Variants in ANO1 observed in about 807,000 individuals in gnomAD.
ANO1 encodes anoctamin-1.
In ANO1, 59 loss-of-function variants were observed where a neutral mutation model predicts 124.0. The observed-to-expected ratio is 0.48, with a 90% CI of 0.39 to 0.59. The LOEUF is 0.59. Ranked by LOEUF, ANO1 falls within the 20% of genes least tolerant of loss-of-function variation. The pLI, the probability that ANO1 is intolerant of heterozygous loss-of-function variation, is 0.00. For missense variants in ANO1, 1,059 were observed against 1,328.0 expected (o/e 0.80, Z 3.15); for synonymous variants, 529 against 532.0 (o/e 0.99, Z 0.08).
the ANO1 span, among the ~76,000 whole-genome samples, chr11:69,967,615 A>T: frequency 4.0e-4 from 61 of 152,282 alleles, no homozygotes; most frequent in South Asian, 2.1e-4. Context: ...AAATGAAAAC[A>T]TGTCAAGGGC....
At chr11:70,006,468 C>G (rs762070597) in intron 1 of ANO1, among the ~76,000 whole-genome samples, 2 of 152,106 alleles carry the variant, frequency 1.3e-5, no homozygotes, top group African/African-American at 4.8e-5. Context: ...TACCTCTGCT[C>G]TCTGCCCTGA....
intron 11 of ANO1, among the ~76,000 whole-genome samples, chr11:70,146,547 C>A (rs116500211): frequency 6.6e-6 from 1 of 152,038 alleles, no homozygotes; most frequent in African/African-American, 2.4e-5. Flanking sequence ...AAAGACAGAA[C>A]TAATAGGATA....
Position 70,187,967 on chromosome 11 carries a change from C to T in ANO1, c.2924C>T (p.Pro975Leu). Reference protein sequence around the residue: ...TKACPDSLGSPAPSHAYHGGV... With the variant: ...TKACPDSLGSLAPSHAYHGGV... ...GCCTGCCCAGACAGCCTCGGCAGCC[C>T]AGCCCCCAGCCATGCCTACCACGGG... Residue 975 changes from proline (P) to leucine (L), a missense_variant, in exon 26 of 26, where the codon CCA becomes CTA. Around this residue, in one of 2 missense-constraint regions of ANO1, gnomAD observed 809 missense variants for 1,094.9 expected, o/e 0.74. Coordinates refer to ENST00000355303, the MANE Select transcript of ANO1 (RefSeq NM_018043.7). The T allele has an allele frequency of 6.4e-7, 1 of 1,571,650 alleles. No homozygotes were observed.
chr11:70,022,637 C>G (rs1555002727), intron 1 of ANO1, among the ~76,000 whole-genome samples: 3 of 151,896 alleles, frequency 2.0e-5, no homozygotes, highest in Admixed American at 6.6e-5. Flanking sequence ...AGTGAAGCCA[C>G]TGATGGCCCC....
intron 1 of ANO1, among the ~76,000 whole-genome samples, chr11:70,006,648 C>T (rs1282120660): frequency 1.4e-4 from 16 of 114,956 alleles, no homozygotes; most frequent in African/African-American, 1.6e-4. Context: ...TTTCTTCTTT[C>T]TTTCTTTCTT....
intron 1 of ANO1, among the ~76,000 whole-genome samples, chr11:70,046,807 T>G (rs1857266367): frequency 6.6e-6 from 1 of 151,822 alleles, no homozygotes; most frequent in Non-Finnish European, 1.5e-5. Context: ...GGTGTGGTGG[T>G]TCACACCCAT....
At chr11:70,089,908 G>A (rs892787383) in intron 2 of ANO1, among the ~76,000 whole-genome samples, 10 of 152,368 alleles carry the variant, frequency 6.6e-5, no homozygotes, top group Non-Finnish European at 1.3e-4. Context: ...GAAGCTTGGC[G>A]GCCGAGGCCA....
At chr11:70,088,796 TCA>T (rs1386842885) in intron 2 of ANO1, among the ~76,000 whole-genome samples, 26 of 152,170 alleles carry the variant, frequency 1.7e-4, no homozygotes, top group Non-Finnish European at 3.5e-4. Context: ...TCTCTGGGCC[TCA>T]GTTTCTCGTC....
chr11:70,144,252 G>A (rs113481815), intron 11 of ANO1, among the ~76,000 whole-genome samples: 5,777 of 152,260 alleles, frequency 0.038, 366 homozygotes, highest in African/African-American at 0.13. Flanking sequence ...CCCTGCGACC[G>A]AGCTGGGCCG....
At chr11:70,114,252 C>G (rs1467570136) in intron 7 of ANO1, among the ~76,000 whole-genome samples, 1 of 152,216 alleles carries the variant, frequency 6.6e-6, no homozygotes, top group Non-Finnish European at 1.5e-5. Flanking sequence ...GAGTGGAGCT[C>G]GGAAGCCCTA....
intron 1 of ANO1, among the ~76,000 whole-genome samples, chr11:70,017,925 C>T (rs1856731709): frequency 6.6e-6 from 1 of 152,152 alleles, no homozygotes; most frequent in Non-Finnish European, 1.5e-5. Flanking sequence ...ACTCCAGCCC[C>T]CTTTCCCTGA....
chr11:70,183,114 A>C (rs925545056), intron 24 of ANO1, among the ~76,000 whole-genome samples: 6 of 152,184 alleles, frequency 3.9e-5, no homozygotes, highest in African/African-American at 1.4e-4. Context: ...ATCTATAAAG[A>C]AATAAACAAA....
At chr11:70,044,741 T>C (rs187740155) in intron 1 of ANO1, among the ~76,000 whole-genome samples, 333 of 152,320 alleles carry the variant, frequency 2.2e-3, no homozygotes, top group African/African-American at 7.5e-3. Flanking sequence ...GTGGCTGGCA[T>C]ATATTCTTTA....
chr11:69,985,535 G>C (rs1180399048), upstream of ANO1, among the ~76,000 whole-genome samples: 1 of 152,164 alleles, frequency 6.6e-6, no homozygotes, highest in Non-Finnish European at 1.5e-5. Flanking sequence ...GGCCACTCAC[G>C]GAACCGCCCC....
At chr11:70,106,308 A>G (rs1389536615) in intron 5 of ANO1, among the ~76,000 whole-genome samples, 1 of 152,154 alleles carries the variant, frequency 6.6e-6, no homozygotes, top group Admixed American at 6.5e-5. Context: ...TGTTTATCCA[A>G]CCTGTCCACC....
intron 13 of ANO1, 109 bp from the exon 14 acceptor site, chr11:70,152,947 CA>C: frequency 1.1e-6 from 1 of 915,410 alleles, no homozygotes; most frequent in Non-Finnish European, 1.7e-6. Flanking sequence ...GAACTGGACC[CA>C]AAGGGTGCCC....
Position 70,185,509 on chromosome 11 carries a change from C to T in ANO1, c.2589-81C>T, listed in dbSNP as rs377183326. 39 of 1,310,652 alleles carry T rather than the reference C, an allele frequency of 3.0e-5. 1 individual carries two copies. The highest frequency in any genetic ancestry group is 1.5e-4 in the Admixed American group (8 of 52,482). 81.2% of individuals were successfully genotyped at this position (1,310,652 alleles called of 1,614,324 possible). ...CACACCAAGCTGAGCCTCTCCCAGGCGTCCCTCGAGCTGCCTGACTCCAGC... is the reference window on the plus strand; with the variant it reads ...CACACCAAGCTGAGCCTCTCCCAGGTGTCCCTCGAGCTGCCTGACTCCAGC... On this transcript the variant is annotated intron_variant, in intron 24 of 25. Coordinates refer to ENST00000355303, the MANE Select transcript of ANO1 (RefSeq NM_018043.7).
At chr11:70,081,046 G>T (rs1172178535) in intron 1 of ANO1, among the ~76,000 whole-genome samples, 2 of 152,266 alleles carry the variant, frequency 1.3e-5, no homozygotes, top group Non-Finnish European at 2.9e-5. Flanking sequence ...GTTCTCAGGT[G>T]TGAAACTCAT....
intron 10 of ANO1, among the ~76,000 whole-genome samples, chr11:70,130,171 G>T (rs1384549195): frequency 6.6e-6 from 1 of 152,212 alleles, no homozygotes; most frequent in Non-Finnish European, 1.5e-5. Context: ...TGTGTACTTA[G>T]AGCCCAGAGC....
Sources: allele counts gnomAD v4.1 joint callset (sites outside exome capture counted in the v4.1 genomes callset), GRCh38; gene constraint gnomAD v4.1.1; regional missense constraint gnomAD v4.1.1; transcripts MANE v1.5; gene names NCBI Gene and HGNC (gene_info 2026-07-23, HGNC 2026-07-21).